SRBD1: variants seen among roughly 807,000 people sequenced by gnomAD.
The protein encoded by SRBD1 is S1 RNA binding domain 1.
SRBD1 carries 88 observed loss-of-function variants against 115.3 expected under a neutral mutation model. That is an observed-to-expected ratio of 0.76 (90% CI 0.64 to 0.91). The LOEUF (loss-of-function observed/expected upper bound fraction) is 0.91. SRBD1 is among the 40% of genes least tolerant of loss of function. The pLI is 0.00. For missense variants in SRBD1, 1,385 were observed against 1,177.4 expected, an observed-to-expected ratio of 1.18 and a Z score of -2.58; for synonymous variants, 509 against 407.7, an observed-to-expected ratio of 1.25 and a Z score of -2.99.
intron 16 of SRBD1, among the ~76,000 whole-genome samples, chr2:45,457,443 T>C (rs1669188487): frequency 6.6e-6 from 1 of 151,936 alleles, no homozygotes; most frequent in Admixed American, 6.6e-5. Flanking sequence ...TAAGAATACA[T>C]GCACAGCTGT....
chr2:45,402,193 T>C (rs950896676), intron 19 of SRBD1, among the ~76,000 whole-genome samples: 2 of 152,200 alleles, frequency 1.3e-5, no homozygotes, highest in Admixed American at 6.6e-5. Flanking sequence ...TATTCATTTA[T>C]CTCATGACGG....
At chr2:45,411,192 G>A (rs747200371) in intron 19 of SRBD1, among the ~76,000 whole-genome samples, 9 of 152,168 alleles carry the variant, frequency 5.9e-5, no homozygotes, top group Non-Finnish European at 1.2e-4. Context: ...GGTGACGTCT[G>A]CTGGATAATC....
At chr2:45,583,884 G>C (rs1673439112) in intron 5 of SRBD1, among the ~76,000 whole-genome samples, 1 of 152,064 alleles carries the variant, frequency 6.6e-6, no homozygotes, top group African/African-American at 2.4e-5. Context: ...GAAACCCAGA[G>C]AATGGAATTC....
intron 16 of SRBD1, among the ~76,000 whole-genome samples, chr2:45,435,945 C>T (rs1572638579): frequency 6.6e-6 from 1 of 152,020 alleles, no homozygotes; most frequent in Non-Finnish European, 1.5e-5. Context: ...CAAAACCAGA[C>T]AAAGACATTA....
intron 3 of SRBD1, among the ~76,000 whole-genome samples, chr2:45,600,566 T>C (rs1314347801): frequency 6.6e-6 from 1 of 152,130 alleles, no homozygotes; most frequent in African/African-American, 2.4e-5. Flanking sequence ...GAACACAGAA[T>C]GATAGCAGGC....
Position 45,574,701 on chromosome 2 carries a change from A to C in SRBD1, c.1095T>G (p.Ile365Met). The change falls in exon 8 of 21, where the codon ATT (isoleucine) becomes ATG (methionine). Residue 365 changes from isoleucine to methionine, a missense_variant. Ile to Met is a conservative substitution (Grantham distance 10). Transcript: ENST00000263736. ...CTAAAATATGCTGCACTCCTATTTCAATATCCTGAAGCGTTGAAAGCCCTT... is the reference window on the plus strand; with the variant it reads ...CTAAAATATGCTGCACTCCTATTTCCATATCCTGAAGCGTTGAAAGCCCTT... Reference protein sequence around the residue: ...DVKGLSTLQDIEIGVQHILAD... With the variant: ...DVKGLSTLQDMEIGVQHILAD... 1 of 1,613,598 alleles carries C rather than the reference A, an allele frequency of 6.2e-7. No individual in the cohort carries two copies. The highest frequency in any genetic ancestry group is 8.5e-7 in the Non-Finnish European group (1 of 1,179,806).
intron 15 of SRBD1, among the ~76,000 whole-genome samples, chr2:45,487,584 C>A (rs1234142128): frequency 6.6e-6 from 1 of 151,814 alleles, no homozygotes; most frequent in African/African-American, 2.4e-5. Flanking sequence ...TTACTTTTTG[C>A]CAATAAAAAG....
At chr2:45,411,141 G>T (rs1327190604) in intron 19 of SRBD1, among the ~76,000 whole-genome samples, 1 of 152,076 alleles carries the variant, frequency 6.6e-6, no homozygotes, top group Non-Finnish European at 1.5e-5. Flanking sequence ...ACTATCTCCA[G>T]GTAGATAGTG....
intron 16 of SRBD1, among the ~76,000 whole-genome samples, chr2:45,434,047 T>C (rs1213399639): frequency 1.3e-5 from 2 of 152,182 alleles, no homozygotes; most frequent in African/African-American, 4.8e-5. Context: ...AGACATTCTC[T>C]TTGCAAATCC....
chr2:45,445,414 G>C (rs191804715), intron 16 of SRBD1, among the ~76,000 whole-genome samples: 1 of 120,438 alleles, frequency 8.3e-6, no homozygotes, highest in African/African-American at 2.6e-5. Flanking sequence ...TGAAATCTTG[G>C]GGGGAGTCAC....
intron 14 of SRBD1, among the ~76,000 whole-genome samples, chr2:45,544,856 T>C (rs1043396181): frequency 1.3e-5 from 2 of 152,200 alleles, no homozygotes; most frequent in African/African-American, 4.8e-5. Context: ...TTAATTTATG[T>C]TATCTCACTT....
chr2:45,442,138 T>C (rs539679268), intron 16 of SRBD1, among the ~76,000 whole-genome samples: 1 of 152,302 alleles, frequency 6.6e-6, no homozygotes, highest in Admixed American at 6.5e-5. Flanking sequence ...AGAACCGGTA[T>C]GCAAAGACAC....
intron 16 of SRBD1, among the ~76,000 whole-genome samples, chr2:45,425,709 C>T (rs1175735266): frequency 6.6e-6 from 1 of 152,004 alleles, no homozygotes; most frequent in African/African-American, 2.4e-5. Context: ...AGGGAACTCA[C>T]TCAGAAAGCA....
At chr2:45,487,729 A>G (rs563092038) in intron 15 of SRBD1, among the ~76,000 whole-genome samples, 1 of 152,260 alleles carries the variant, frequency 6.6e-6, no homozygotes, top group African/African-American at 2.4e-5. Context: ...ATCTTGGCTC[A>G]CTAGAACCTC....
intron 15 of SRBD1, among the ~76,000 whole-genome samples, chr2:45,486,974 G>C (rs1276168397): frequency 1.3e-5 from 2 of 152,052 alleles, no homozygotes; most frequent in East Asian, 3.9e-4. Context: ...ACATGGTAAG[G>C]AGACAGAGAT....
chr2:45,600,407 G>A (rs1266488798), intron 3 of SRBD1, among the ~76,000 whole-genome samples: 1 of 152,130 alleles, frequency 6.6e-6, no homozygotes, highest in Non-Finnish European at 1.5e-5. Context: ...TTAAAAATGA[G>A]TAAAGGATAG....
Position 45,586,986 on chromosome 2 carries a change from T to A in SRBD1, c.649-1212A>T, listed in dbSNP as rs945164749. On this transcript the variant is annotated intron_variant, in intron 4 of 20. Transcript: ENST00000263736. ...ATTATAAATATTAAAATATTTAAAA[T>A]TATTTTAAATATTTAATTATTTTAA... Among the ~76,000 whole-genome samples the A allele has an allele frequency of 6.6e-4, 31 of 46,822 alleles. No homozygotes were observed. In the East Asian group the frequency reaches 7.2e-3, roughly 11 times the overall value. The allele number at this position is 46,822 out of a possible 152,430, so 30.7% of individuals were successfully genotyped here. A position where few individuals can be genotyped will look rare whatever the true frequency, so the allele number is the denominator to read the frequency against.
chr2:45,512,630 T>C (rs1258722710), intron 14 of SRBD1, among the ~76,000 whole-genome samples: 1 of 152,154 alleles, frequency 6.6e-6, no homozygotes. Context: ...TGTAGGAGGA[T>C]TCATGAAAAT....
At chr2:45,436,149 GA>G (rs199779582) in intron 16 of SRBD1, among the ~76,000 whole-genome samples, 35 of 147,218 alleles carry the variant, frequency 2.4e-4, no homozygotes, top group South Asian at 1.7e-3. Flanking sequence ...AGCTAAAAAA[GA>G]AAAAAAAAAT....
Sources: gnomAD v4.1 joint callset for allele counts (sites outside exome capture counted in the v4.1 genomes callset) on GRCh38, gnomAD v4.1.1 for gene constraint, MANE v1.5 for transcripts, NCBI Gene and HGNC (gene_info 2026-07-23, HGNC 2026-07-21) for gene names.